Variants in NRROS observed in about 807,000 individuals in gnomAD.
The protein encoded by NRROS is negative regulator of reactive oxygen species, also known as transforming growth factor beta activator LRRC33.
A neutral mutation model predicts 12.0 loss-of-function variants in NRROS; 6 were observed. That is an observed-to-expected ratio of 0.50 (90% CI 0.27 to 0.98). NRROS has a LOEUF of 0.98. NRROS is among the 50% of genes least tolerant of loss of function. The pLI is 0.11. For missense variants in NRROS, 857 were observed against 888.2 expected, an observed-to-expected ratio of 0.96 and a Z score of 0.45; for synonymous variants, 462 against 410.2, an observed-to-expected ratio of 1.13 and a Z score of -1.53.
chr3:196,655,272 C>T (rs930312750), intron 2 of NRROS, among the ~76,000 whole-genome samples: 8 of 148,416 alleles, frequency 5.4e-5, no homozygotes, highest in South Asian at 2.2e-4. Flanking sequence ...CGGTGGCTCA[C>T]GCCTGTCATC....
chr3:196,658,832 T>C (rs899607118), intron 2 of NRROS, among the ~76,000 whole-genome samples: 10 of 152,070 alleles, frequency 6.6e-5, no homozygotes, highest in South Asian at 2.1e-4. Flanking sequence ...TAGCTGGGCG[T>C]GGTGGCATGT....
At chr3:196,652,574 G>A (rs574924693) in intron 1 of NRROS, among the ~76,000 whole-genome samples, 49 of 152,280 alleles carry the variant, frequency 3.2e-4, no homozygotes, top group African/African-American at 1.2e-3. Context: ...GCTGCTTCCT[G>A]CCAGGGCCAC....
chr3:196,645,768 T>A (rs1453544519), intron 1 of NRROS, among the ~76,000 whole-genome samples: 3 of 152,034 alleles, frequency 2.0e-5, no homozygotes, highest in African/African-American at 7.3e-5. Flanking sequence ...TCATCACCCA[T>A]AAAAAACCCC....
chr3:196,652,241 C>T (rs1194502811), intron 1 of NRROS, among the ~76,000 whole-genome samples: 1 of 152,148 alleles, frequency 6.6e-6, no homozygotes, highest in Admixed American at 6.5e-5. Flanking sequence ...TTATTTTAGA[C>T]TTTGTGTAGC....
chr3:196,659,222 C>T (rs772457636), intron 2 of NRROS, among the ~76,000 whole-genome samples: 2 of 151,828 alleles, frequency 1.3e-5, no homozygotes, highest in Non-Finnish European at 2.9e-5. Flanking sequence ...GGCACAGCCA[C>T]TGGCTCTTCA....
intron 1 of NRROS, among the ~76,000 whole-genome samples, chr3:196,652,795 G>A (rs111284219): frequency 3.2e-4 from 48 of 152,206 alleles, no homozygotes; most frequent in African/African-American, 1.1e-3. Context: ...TCTTCGATAC[G>A]CAGGGCTGGC....
At chr3:196,651,783 C>T (rs188153843) in intron 1 of NRROS, among the ~76,000 whole-genome samples, 118 of 152,072 alleles carry the variant, frequency 7.8e-4, no homozygotes, top group African/African-American at 2.5e-3. Context: ...CAAAACAAAA[C>T]GAACAAAAAC....
chr3:196,657,450 G>A (rs924072736), intron 2 of NRROS, among the ~76,000 whole-genome samples: 2 of 151,920 alleles, frequency 1.3e-5, no homozygotes, highest in African/African-American at 4.8e-5. Context: ...GGCCGGGCGC[G>A]GTGGCTCACA....
chr3:196,659,689 T>C, intron 2 of NRROS, 63 bp from the exon 3 acceptor site: 1 of 1,499,608 alleles, frequency 6.7e-7, no homozygotes, highest in South Asian at 1.3e-5. Context: ...TGAACTAAGT[T>C]TCTATGCATA....
intron 1 of NRROS, among the ~76,000 whole-genome samples, chr3:196,650,571 G>A (rs76418138): frequency 0.052 from 7,909 of 152,274 alleles, 300 homozygotes; most frequent in Middle Eastern, 0.11. Context: ...GTAAGCCACC[G>A]CACCTGTTCG....
chr3:196,654,472 C>T lies in NRROS; in HGVS notation c.-13-55C>T. The T allele has an allele frequency of 2.0e-6, 2 of 1,018,650 alleles. No homozygotes were observed. Among genetic ancestry groups the T allele is most frequent in the East Asian group, 4.7e-5 (2 of 42,294 alleles). The allele number at this position is 1,018,650 out of a possible 1,614,324, so 63.1% of individuals were successfully genotyped here. A position where few individuals can be genotyped will look rare whatever the true frequency, so the allele number is the denominator to read the frequency against. On this transcript the variant is annotated intron_variant, in intron 1 of 2. Coordinates refer to ENST00000328557, the MANE Select transcript of NRROS (RefSeq NM_198565.3). This position sits in a 1 kb window ranked among gnomAD's most constrained non-coding sequence, Gnocchi z 4.4. The stretch of plus-strand genomic sequence containing the variant: ...TGGCTCCTTCTGCCGATAATACAAA[C>T]AGCCCTCTGGGATGTCCTTCTCTGA...
At chr3:196,640,138 G>A (rs11718034) in intron 1 of NRROS, among the ~76,000 whole-genome samples, 1,976 of 152,366 alleles carry the variant, frequency 0.013, 15 homozygotes, top group Non-Finnish European at 0.02. Flanking sequence ...TGGAAACCAC[G>A]AGGGCTTCAG....
At position 196,654,685 on chromosome 3, in the gene NRROS, T is replaced by C; in HGVS notation, c.108+38T>C. ...TGAACCCTGATCTGTCGGCTGCTCC[T>C]GTCCTGACAAGGCTTGGTCCATTTG... is the stretch of plus-strand genomic sequence containing the variant. On this transcript the variant is annotated intron_variant, in intron 2 of 2. Transcript: ENST00000328557. The surrounding 1 kb of genome is among the most constrained non-coding windows in gnomAD (Gnocchi z 4.4). The C allele has an allele frequency of 7.7e-7, 1 of 1,296,510 alleles. No homozygotes were observed. The highest frequency in any genetic ancestry group is 1.2e-5 in the South Asian group (1 of 80,034). 80.3% of individuals were successfully genotyped at this position (1,296,510 alleles called of 1,614,324 possible).
intron 1 of NRROS, among the ~76,000 whole-genome samples, chr3:196,646,065 C>T (rs557679843): frequency 2.4e-4 from 37 of 152,360 alleles, no homozygotes; most frequent in Admixed American, 9.1e-4. Context: ...ACGTGAAGTC[C>T]GAACATTCCC....
intron 1 of NRROS, among the ~76,000 whole-genome samples, chr3:196,647,194 A>G (rs1737329572): frequency 6.6e-6 from 1 of 152,140 alleles, no homozygotes; most frequent in Admixed American, 6.5e-5. Flanking sequence ...GTATTTCCTT[A>G]GGATAAATTC....
chr3:196,658,746 C>G (rs1281324853), intron 2 of NRROS, among the ~76,000 whole-genome samples: 1 of 152,214 alleles, frequency 6.6e-6, no homozygotes, highest in Non-Finnish European at 1.5e-5. Flanking sequence ...GCAGGCAGAT[C>G]ACCTGAAGTC....
At chr3:196,645,673 A>T (rs1235857376) in intron 1 of NRROS, among the ~76,000 whole-genome samples, 2 of 152,118 alleles carry the variant, frequency 1.3e-5, no homozygotes, top group African/African-American at 4.8e-5. Context: ...TCGTTCTTCA[A>T]TCGTACACTT....
intron 1 of NRROS, among the ~76,000 whole-genome samples, chr3:196,644,565 T>C (rs1037346540): frequency 3.3e-5 from 5 of 150,946 alleles, no homozygotes; most frequent in Admixed American, 1.3e-4. Context: ...TTGAGACCAG[T>C]CTGGCCAACA....
At chr3:196,641,425 G>A (rs1737207314) in intron 1 of NRROS, among the ~76,000 whole-genome samples, 1 of 152,050 alleles carries the variant, frequency 6.6e-6, no homozygotes, top group Non-Finnish European at 1.5e-5. Flanking sequence ...GTGTTGCCCA[G>A]GCTGGTCTCA....
Sources: gnomAD v4.1 joint callset for allele counts (sites outside exome capture counted in the v4.1 genomes callset) on GRCh38, gnomAD v4.1.1 for gene constraint, Gnocchi (gnomAD v3.1) non-coding constraint, MANE v1.5 for transcripts, NCBI Gene and HGNC (gene_info 2026-07-23, HGNC 2026-07-21) for gene names.